FIRRM: variants seen among roughly 807,000 people sequenced by gnomAD.
FIRRM encodes the protein FIGNL1 interacting regulator of recombination and mitosis.
chr1:169,845,414 G>A, the FIRRM span, among the ~76,000 whole-genome samples: 1 of 152,088 alleles, frequency 6.6e-6, no homozygotes, highest in African/African-American at 2.4e-5. Flanking sequence ...CTTAAAATAC[G>A]ACAATGAAGT....
At chr1:169,848,567 ATTTG>A in the FIRRM span, among the ~76,000 whole-genome samples, 12 of 152,182 alleles carry the variant, frequency 7.9e-5, no homozygotes, top group Non-Finnish European at 1.5e-4. Flanking sequence ...GGGCTCTTTT[ATTTG>A]TTCATAAGTT....
At chr1:169,798,595 AT>A in the FIRRM span, among the ~76,000 whole-genome samples, 793 of 152,250 alleles carry the variant, frequency 5.2e-3, 4 homozygotes, top group Middle Eastern at 0.01. Context: ...CTAAAAAAAA[AT>A]AAATAAATAA....
At chr1:169,839,150 T>C in the FIRRM span, among the ~76,000 whole-genome samples, 1 of 152,360 alleles carries the variant, frequency 6.6e-6, no homozygotes, top group East Asian at 1.9e-4. Context: ...ATGGTATATA[T>C]GTACCACATT....
chr1:169,849,215 G>A, the FIRRM span, among the ~76,000 whole-genome samples: 565 of 152,290 alleles, frequency 3.7e-3, 5 homozygotes, highest in African/African-American at 0.013. Context: ...GCAAAGCACT[G>A]GAGATGGGAG....
the FIRRM span, among the ~76,000 whole-genome samples, chr1:169,784,318 A>G: frequency 2.0e-5 from 3 of 152,088 alleles, no homozygotes; most frequent in Non-Finnish European, 4.4e-5. Flanking sequence ...CTCTACCACC[A>G]TGAGTCACCA....
chr1:169,853,206 A>C, the FIRRM span: 7 of 565,428 alleles, frequency 1.2e-5, no homozygotes, highest in Non-Finnish European at 1.9e-5. Flanking sequence ...CTAGGTCCAC[A>C]AAGAACCATT....
the FIRRM span, chr1:169,793,332 G>C: frequency 6.3e-5 from 101 of 1,614,066 alleles, no homozygotes; most frequent in Non-Finnish European, 4.5e-5. Context: ...TGGAAACCTG[G>C]TAATGTTTCT....
At chr1:169,835,237 C>G in the FIRRM span, among the ~76,000 whole-genome samples, 1 of 152,016 alleles carries the variant, frequency 6.6e-6, no homozygotes, top group East Asian at 1.9e-4. Context: ...TGATGATATA[C>G]TTTAAAAAAC....
At chr1:169,795,846 A>G in the FIRRM span, 2 of 833,182 alleles carry the variant, frequency 2.4e-6, no homozygotes, top group Non-Finnish European at 2.6e-6. Context: ...TCTTTCTGAA[A>G]GAGTTCTTCC....
At chr1:169,798,386 G>C in the FIRRM span, among the ~76,000 whole-genome samples, 14 of 151,744 alleles carry the variant, frequency 9.2e-5, no homozygotes, top group South Asian at 4.2e-4. Flanking sequence ...TCCTGCCTCA[G>C]CCTCCTGAGC....
chr1:169,798,557 C>T, the FIRRM span, among the ~76,000 whole-genome samples: 1 of 151,858 alleles, frequency 6.6e-6, no homozygotes, highest in Non-Finnish European at 1.5e-5. Context: ...GTGAGCCACC[C>T]CACTTGGCCC....
chr1:169,830,295 A>G, the FIRRM span: 2 of 1,613,872 alleles, frequency 1.2e-6, no homozygotes, highest in East Asian at 2.2e-5. Context: ...TAGTGCTAAT[A>G]TGATCACCTC....
the FIRRM span, chr1:169,792,730 G>A: frequency 6.2e-7 from 1 of 1,613,864 alleles, no homozygotes; most frequent in South Asian, 1.1e-5. Context: ...GTGCTTTGCT[G>A]GCCAAAAGTA....
At chr1:169,809,038 G>A in the FIRRM span, among the ~76,000 whole-genome samples, 1 of 152,184 alleles carries the variant, frequency 6.6e-6, no homozygotes, top group Admixed American at 6.5e-5. Flanking sequence ...AGTCAGCTAT[G>A]GGGGTGAAAG....
the FIRRM span, among the ~76,000 whole-genome samples, chr1:169,798,036 G>A: frequency 6.9e-6 from 1 of 144,880 alleles, no homozygotes; most frequent in Non-Finnish European, 1.5e-5. Context: ...TAAGTAATAT[G>A]AAAAAAGATA....
chr1:169,847,901 TACTG>T, the FIRRM span: 4 of 745,992 alleles, frequency 5.4e-6, no homozygotes, highest in Non-Finnish European at 8.7e-6. Context: ...ATTTTGCAAT[TACTG>T]ACAAAGTTGG....
chr1:169,851,045 C>CTTTTTTTTTTTTTT, the FIRRM span: 1 of 17,308 alleles, frequency 5.8e-5, no homozygotes, highest in African/African-American at 2.3e-4. Context: ...GCTCAGGGCC[C>CTTTTTTTTTTTTTT]TTTTTTTTTT....
the FIRRM span, chr1:169,832,391 C>CCT: frequency 2.0e-6 from 3 of 1,505,894 alleles, no homozygotes; most frequent in Non-Finnish European, 2.8e-6. Flanking sequence ...GTCAGTCTCT[C>CCT]CTCTCTCTCT....
chr1:169,791,500 C>T, the FIRRM span, among the ~76,000 whole-genome samples: 4 of 152,152 alleles, frequency 2.6e-5, no homozygotes, highest in East Asian at 1.9e-4. Context: ...GATTTTAAAG[C>T]CTTCAGATGC....
Sources: gnomAD v4.1 joint callset for allele counts (sites outside exome capture counted in the v4.1 genomes callset) on GRCh38, gnomAD v4.1.1 for gene constraint, MANE v1.5 for transcripts, NCBI Gene and HGNC (gene_info 2026-07-23, HGNC 2026-07-21) for gene names.